Variants in SMG1 observed in about 807,000 individuals in gnomAD.
SMG1 encodes the protein SMG1 nonsense mediated mRNA decay associated PI3K related kinase.
In SMG1, 22 loss-of-function variants were observed where a neutral mutation model predicts 419.9. That is an observed-to-expected ratio of 0.05 (90% confidence interval 0.04 to 0.07). SMG1 has a LOEUF of 0.07. SMG1 is among the 10% of genes least tolerant of loss of function. The pLI is 1.00. For synonymous variants in SMG1, 1,538 were observed against 1,553.5 expected (o/e 0.99, Z 0.23); for missense variants, 3,185 against 4,342.0 (o/e 0.73, Z 7.49).
Position 18,829,315 on chromosome 16 carries a change from G to A in SMG1, c.9574C>T (p.Arg3192Trp), listed in dbSNP as rs2032998767. Residue 3192 changes from arginine (R) to tryptophan (W), a missense_variant, in exon 54 of 63, where the codon CGG (arginine) becomes TGG (tryptophan). Arg to Trp is a moderately radical substitution (Grantham distance 101, BLOSUM62 -3). This residue lies in a region of SMG1 where 737 missense variants were observed against 846.6 expected (regional missense o/e 0.87). Transcript: ENST00000446231. The stretch of plus-strand genomic sequence containing the variant: ...AACATGGCAATATGCAGCTGAACCC[G>A]CTGCAGGCTTGTCTTACAAGAAGAA... ...SISSCKTSLQ[R>W]VQLHIAMFQW... The A allele has an allele frequency of 8.1e-6, 13 of 1,613,442 alleles. No individual in the cohort carries two copies. Among genetic ancestry groups the A allele is most frequent in the Non-Finnish European group, 1.1e-5 (13 of 1,179,516 alleles).
At chr16:18,913,139 G>A (rs2037851900) in intron 1 of SMG1, among the ~76,000 whole-genome samples, 1 of 152,010 alleles carries the variant, frequency 6.6e-6, no homozygotes, top group African/African-American at 2.4e-5. Context: ...TTTCTGTCTG[G>A]CAAATCTGAA....
intron 56 of SMG1, among the ~76,000 whole-genome samples, chr16:18,818,657 A>C (rs751001232): frequency 7.9e-5 from 12 of 152,260 alleles, no homozygotes; most frequent in Non-Finnish European, 1.8e-4. Flanking sequence ...GGGTGAAATA[A>C]GATAAGACTT....
At chr16:18,920,138 T>C (rs2038138384) in intron 1 of SMG1, among the ~76,000 whole-genome samples, 1 of 150,924 alleles carries the variant, frequency 6.6e-6, no homozygotes, top group African/African-American at 2.4e-5. Context: ...TCCCAGCACT[T>C]TGGGAGGCCG....
chr16:18,902,844 GTTGT>G (rs369377699), intron 1 of SMG1, among the ~76,000 whole-genome samples: 21 of 152,066 alleles, frequency 1.4e-4, no homozygotes, highest in South Asian at 2.1e-4. Flanking sequence ...CTCAAAAAAA[GTTGT>G]TTGTTTGTTT....
At position 18,860,570 on chromosome 16, in the gene SMG1, G is replaced by A; in HGVS notation, c.3805+97C>T. 3 of 636,100 alleles carry A rather than the reference G, an allele frequency of 4.7e-6. No individual in the cohort carries two copies. The South Asian group carries it at 5.2e-5, about 11-fold the overall frequency. The allele number at this position is 636,100 out of a possible 1,614,324, so 39.4% of individuals were successfully genotyped here. A position where few individuals can be genotyped will look rare whatever the true frequency, so the allele number is the denominator to read the frequency against. Reference sequence around the variant, plus strand: ...CATGGGATTCTGCCCCCACAAAAATGTAAAATAACTTCCAGATTTTCCAGT... The same window carrying A: ...CATGGGATTCTGCCCCCACAAAAATATAAAATAACTTCCAGATTTTCCAGT... On this transcript the variant is annotated intron_variant, in intron 26 of 62. Coordinates refer to ENST00000446231, the MANE Select transcript of SMG1 (RefSeq NM_015092.5).
At chr16:18,876,477 A>T in intron 12 of SMG1, 84 bp from the exon 13 acceptor site, 4 of 1,409,256 alleles carry the variant, frequency 2.8e-6, no homozygotes, top group Non-Finnish European at 3.9e-6. Context: ...TATCTGTATT[A>T]GTGCTGACGA....
intron 40 of SMG1, 59 bp from the exon 41 acceptor site, chr16:18,841,853 C>T: frequency 2.8e-6 from 4 of 1,424,874 alleles, no homozygotes; most frequent in Admixed American, 3.4e-5. Flanking sequence ...GGGAGCATAC[C>T]ACTCCTCTTT....
At chr16:18,888,058 G>A (rs1350063213) in intron 6 of SMG1, among the ~76,000 whole-genome samples, 13 of 150,932 alleles carry the variant, frequency 8.6e-5, no homozygotes, top group Middle Eastern at 3.4e-3. Context: ...CCAGCTACTC[G>A]GGAGGCTGAG....
intron 9 of SMG1, among the ~76,000 whole-genome samples, chr16:18,882,948 T>A (rs1212119568): frequency 6.6e-6 from 1 of 152,054 alleles, no homozygotes; most frequent in Non-Finnish European, 1.5e-5. Context: ...CTCTACAAAC[T>A]AGAATGTGTG....
intron 41 of SMG1, among the ~76,000 whole-genome samples, chr16:18,841,123 G>C (rs182092239): frequency 4.0e-4 from 61 of 152,282 alleles, no homozygotes; most frequent in African/African-American, 1.3e-3. Context: ...CTCAAGGCCA[G>C]ATGCGGTGGC....
At chr16:18,854,523 AG>A (rs2034789562) in intron 30 of SMG1, 132 bp downstream of exon 30, 2 of 850,222 alleles carry the variant, frequency 2.4e-6, no homozygotes, top group Non-Finnish European at 1.8e-6. Context: ...CTTATTATTC[AG>A]GATGCAAATG....
At chr16:18,842,161 G>GT (rs1266112804) in intron 40 of SMG1, 47 bp downstream of exon 40, 2 of 1,559,188 alleles carry the variant, frequency 1.3e-6, no homozygotes, top group Non-Finnish European at 1.7e-6. Context: ...CAAAGCATTA[G>GT]TAAGACTAAT....
At chr16:18,837,031 T>G (rs2033622232) in intron 46 of SMG1, among the ~76,000 whole-genome samples, 1 of 152,220 alleles carries the variant, frequency 6.6e-6, no homozygotes, top group South Asian at 2.1e-4. Context: ...TACACCCACC[T>G]ATCTCCCATA....
At chr16:18,849,776 A>G (rs1277040589) in intron 35 of SMG1, among the ~76,000 whole-genome samples, 173 bp downstream of exon 35, 1 of 152,200 alleles carries the variant, frequency 6.6e-6, no homozygotes, top group Non-Finnish European at 1.5e-5. Flanking sequence ...ATTTCTTGGA[A>G]AGGTGGGAGG....
At chr16:18,901,185 GT>G (rs1298465062) in intron 1 of SMG1, among the ~76,000 whole-genome samples, 13 of 152,188 alleles carry the variant, frequency 8.5e-5, no homozygotes, top group Admixed American at 5.9e-4. Flanking sequence ...TCAGTATTAA[GT>G]GTCTATAATA....
At chr16:18,886,187 T>C (rs1596596898) in intron 6 of SMG1, among the ~76,000 whole-genome samples, 1 of 151,858 alleles carries the variant, frequency 6.6e-6, no homozygotes, top group Non-Finnish European at 1.5e-5. Context: ...GGGAAACTTT[T>C]CTATAAAGTA....
In SMG1 at chr16:18,854,920, C is replaced by T. The variant is rs761550117; in HGVS notation, c.4235-16G>A. Reference sequence around the variant, plus strand: ...ACTGTTTGTTCTGAAGAGAGGAAAACGTTTTATTAGTTCCTAATTTGTCTA... The same window carrying T: ...ACTGTTTGTTCTGAAGAGAGGAAAATGTTTTATTAGTTCCTAATTTGTCTA... On this transcript the variant is annotated splice_polypyrimidine_tract_variant and intron_variant, in intron 29 of 62. Coordinates refer to ENST00000446231, the MANE Select transcript of SMG1 (RefSeq NM_015092.5). The T allele has an allele frequency of 6.2e-6, 10 of 1,605,630 alleles. No homozygotes were observed. Among genetic ancestry groups the T allele is most frequent in the South Asian group, 1.1e-5 (1 of 89,696 alleles).
intron 38 of SMG1, among the ~76,000 whole-genome samples, 195 bp downstream of exon 38, chr16:18,847,258 A>G (rs2034320470): frequency 6.6e-6 from 1 of 152,232 alleles, no homozygotes; most frequent in South Asian, 2.1e-4. Flanking sequence ...ATTTTTAATG[A>G]GTACAGAGCT....
intron 1 of SMG1, among the ~76,000 whole-genome samples, chr16:18,922,093 A>T (rs2038220633): frequency 6.6e-6 from 1 of 152,240 alleles, no homozygotes; most frequent in South Asian, 2.1e-4. Flanking sequence ...TGAATTAATC[A>T]ATCTATTTGA....
Sources: gnomAD v4.1 joint callset for allele counts (sites outside exome capture counted in the v4.1 genomes callset) on GRCh38, gnomAD v4.1.1 for gene constraint, gnomAD v4.1.1 regional missense constraint, MANE v1.5 for transcripts, NCBI Gene and HGNC (gene_info 2026-07-23, HGNC 2026-07-21) for gene names.